Variants in SYT16 observed in about 807,000 individuals in gnomAD.
The protein encoded by SYT16 is synaptotagmin-16.
SYT16 carries 42 observed loss-of-function variants against 61.4 expected under a neutral mutation model. The ratio of observed to expected loss-of-function variants is 0.68; its 90% confidence interval spans 0.53 to 0.89. The LOEUF is 0.89. Among genes scored for constraint, SYT16 ranks in the 40% least tolerant of loss-of-function variants. SYT16 has a pLI of 0.00. For missense variants in SYT16, 804 were observed against 807.3 expected (o/e 1.00, Z 0.05); for synonymous variants, 314 against 302.3 (o/e 1.04, Z -0.40).
At chr14:61,841,706 C>A (rs1267732041) in intron 1 of SYT16, among the ~76,000 whole-genome samples, 1 of 152,110 alleles carries the variant, frequency 6.6e-6, no homozygotes, top group Non-Finnish European at 1.5e-5. Context: ...TTGTTTTTCT[C>A]CATCTTTATG....
chr14:61,907,830 A>G (rs910911660), intron 1 of SYT16, among the ~76,000 whole-genome samples: 8 of 152,244 alleles, frequency 5.3e-5, no homozygotes, highest in African/African-American at 1.7e-4. Flanking sequence ...ACTGGCTACC[A>G]CAGTATCCTT....
intron 1 of SYT16, among the ~76,000 whole-genome samples, chr14:61,901,159 A>G (rs933710257): frequency 2.6e-5 from 4 of 152,186 alleles, no homozygotes; most frequent in Non-Finnish European, 4.4e-5. Flanking sequence ...TCTTTGCACT[A>G]TCTGCTCTAA....
chr14:61,988,284 G>A (rs958654826), intron 2 of SYT16, among the ~76,000 whole-genome samples: 2 of 152,240 alleles, frequency 1.3e-5, no homozygotes, highest in Admixed American at 6.5e-5. Context: ...ATTTTATTAT[G>A]TGTGTATCTG....
chr14:61,944,951 A>G (rs1369633046), intron 1 of SYT16, among the ~76,000 whole-genome samples: 5 of 152,242 alleles, frequency 3.3e-5, no homozygotes, highest in African/African-American at 1.2e-4. Context: ...TGAACAGGCA[A>G]CCTACAGAAC....
intron 3 of SYT16, 177 bp from the exon 4 acceptor site, chr14:62,069,426 G>A: frequency 1.6e-6 from 1 of 615,820 alleles, no homozygotes; most frequent in Non-Finnish European, 2.9e-6. Context: ...AGCATTCTTT[G>A]CTTTGGACTC....
chr14:61,870,415 T>G (rs760962615), intron 1 of SYT16, among the ~76,000 whole-genome samples: 6 of 152,108 alleles, frequency 3.9e-5, no homozygotes, highest in Non-Finnish European at 7.4e-5. Flanking sequence ...TTGTCACTGT[T>G]TTTTTAGATA....
At chr14:62,077,356 G>A (rs993279045) in intron 5 of SYT16, among the ~76,000 whole-genome samples, 3 of 152,242 alleles carry the variant, frequency 2.0e-5, no homozygotes, top group African/African-American at 2.4e-5. Flanking sequence ...GAAACTGGTC[G>A]TGCAGTGTGA....
chr14:62,071,166 C>A (rs1267912025), intron 4 of SYT16, among the ~76,000 whole-genome samples: 1 of 152,240 alleles, frequency 6.6e-6, no homozygotes, highest in Admixed American at 6.5e-5. Flanking sequence ...CATTTGCCCA[C>A]ACCCCCTCTC....
intron 1 of SYT16, among the ~76,000 whole-genome samples, chr14:61,884,092 G>C (rs1429340563): frequency 6.6e-6 from 1 of 152,086 alleles, no homozygotes; most frequent in Non-Finnish European, 1.5e-5. Context: ...GCATCCTTTG[G>C]ATTTCACTGC....
chr14:61,822,841 G>T (rs1029396559), intron 1 of SYT16, among the ~76,000 whole-genome samples: 1 of 152,150 alleles, frequency 6.6e-6, no homozygotes, highest in Non-Finnish European at 1.5e-5. Flanking sequence ...GTGGGTAAAG[G>T]GCACAGAGTG....
At chr14:61,901,759 A>ATT (rs1566664957) in intron 1 of SYT16, among the ~76,000 whole-genome samples, 10 of 135,128 alleles carry the variant, frequency 7.4e-5, no homozygotes, top group African/African-American at 3.0e-4. Context: ...TAATAATAAT[A>ATT]ATAATTATTA....
chr14:61,820,092 G>A (rs2045565805), intron 1 of SYT16, among the ~76,000 whole-genome samples: 2 of 152,206 alleles, frequency 1.3e-5, no homozygotes, highest in African/African-American at 4.8e-5. Context: ...CAAATGATCT[G>A]TGTACAAATG....
chr14:61,945,850 C>T (rs1168776887), intron 1 of SYT16, among the ~76,000 whole-genome samples: 79 of 117,592 alleles, frequency 6.7e-4, no homozygotes, highest in South Asian at 9.0e-4. Context: ...AGCGAGACTC[C>T]GTCTCAAAAA....
intron 1 of SYT16, among the ~76,000 whole-genome samples, chr14:61,929,366 A>G (rs2049670096): frequency 1.3e-5 from 2 of 152,250 alleles, no homozygotes; most frequent in African/African-American, 4.8e-5. Context: ...GGACAGGAAC[A>G]GAGAAAAGTG....
chr14:61,976,940 A>G (rs1212817083), intron 2 of SYT16, among the ~76,000 whole-genome samples: 1 of 151,934 alleles, frequency 6.6e-6, no homozygotes, highest in Non-Finnish European at 1.5e-5. Context: ...CCTTTTAAAC[A>G]TAAGTTTTAA....
At position 61,864,769 on chromosome 14, in the gene SYT16, C is replaced by T. The variant is rs2047084698; in HGVS notation, c.-325+51959C>T. The T allele has an allele frequency of 5.3e-6, 5 of 939,010 alleles. No individual in the cohort carries two copies. In the Admixed American group the frequency reaches 6.7e-5, roughly 13 times the overall value. 58.2% of individuals were successfully genotyped at this position (939,010 alleles called of 1,614,324 possible). The stretch of plus-strand genomic sequence containing the variant: ...CCTGGTTAATGACGCATGTGGCTGG[C>T]CGGTTGGGCCCTAGTGTCTGCCAGC... On this transcript the variant is annotated intron_variant, in intron 1 of 7. Transcript: ENST00000683842.
At chr14:61,860,787 A>G (rs1160356327) in intron 1 of SYT16, among the ~76,000 whole-genome samples, 1 of 152,178 alleles carries the variant, frequency 6.6e-6, no homozygotes, top group East Asian at 1.9e-4. Context: ...CATTCGATTC[A>G]AGAGTGTTTT....
intron 1 of SYT16, among the ~76,000 whole-genome samples, chr14:61,851,404 A>G (rs2046616813): frequency 6.6e-6 from 1 of 152,226 alleles, no homozygotes; most frequent in South Asian, 2.1e-4. Flanking sequence ...AGAATGATGT[A>G]TATTCCTTTG....
chr14:61,941,601 C>T (rs1444857813), intron 1 of SYT16, among the ~76,000 whole-genome samples: 1 of 152,168 alleles, frequency 6.6e-6, no homozygotes, highest in Admixed American at 6.5e-5. Context: ...TTCTATCTTC[C>T]CTTGCCCCAG....
Sources: gnomAD v4.1 joint callset for allele counts (sites outside exome capture counted in the v4.1 genomes callset) on GRCh38, gnomAD v4.1.1 for gene constraint, MANE v1.5 for transcripts, NCBI Gene and HGNC (gene_info 2026-07-23, HGNC 2026-07-21) for gene names.